FAT3: variants seen among roughly 807,000 people sequenced by gnomAD.
FAT3 encodes protocadherin Fat 3.
Under a neutral mutation model 310.2 loss-of-function variants are expected in FAT3, and 95 were observed. That is an observed-to-expected ratio of 0.31 (90% CI 0.26 to 0.36). The LOEUF (loss-of-function observed/expected upper bound fraction) is 0.36, where lower values mean the gene tolerates loss of function less well. Ranked by LOEUF, FAT3 falls within the 10% of genes least tolerant of loss-of-function variation. The pLI is 1.00. For missense variants in FAT3, 5,408 were observed against 5,715.6 expected (o/e 0.95, Z 1.74); for synonymous variants, 2,314 against 2,192.9 (o/e 1.06, Z -1.54).
chr11:92,873,592 T>C (rs2136373646), intron 22 of FAT3, among the ~76,000 whole-genome samples: 1 of 152,372 alleles, frequency 6.6e-6, no homozygotes, highest in Middle Eastern at 3.4e-3. Context: ...CTTGATTATT[T>C]GCCTACACAG....
intron 3 of FAT3, among the ~76,000 whole-genome samples, chr11:92,601,284 G>A (rs1419443295): frequency 6.6e-6 from 1 of 152,110 alleles, no homozygotes; most frequent in South Asian, 2.1e-4. Flanking sequence ...AGGCTGCCAG[G>A]TGCAGTGACT....
chr11:92,704,257 G>T (rs1395159582), intron 4 of FAT3, among the ~76,000 whole-genome samples: 1 of 152,106 alleles, frequency 6.6e-6, no homozygotes, highest in Non-Finnish European at 1.5e-5. Flanking sequence ...CGATACTCTG[G>T]CCTGCCCCAT....
chr11:92,854,686 G>C (rs576725708), intron 19 of FAT3, among the ~76,000 whole-genome samples: 5 of 152,276 alleles, frequency 3.3e-5, no homozygotes, highest in African/African-American at 1.2e-4. Context: ...TTCCTATAGG[G>C]ATAAATATCT....
intron 3 of FAT3, among the ~76,000 whole-genome samples, chr11:92,566,019 C>G (rs1257381973): frequency 2.0e-4 from 31 of 152,188 alleles, no homozygotes; most frequent in East Asian, 9.7e-4. Context: ...TCAACATAGT[C>G]TTGGAAGTTC....
intron 26 of FAT3, among the ~76,000 whole-genome samples, chr11:92,889,652 G>T (rs1406160677): frequency 6.6e-6 from 1 of 152,070 alleles, no homozygotes; most frequent in African/African-American, 2.4e-5. Flanking sequence ...TAAAATTAGG[G>T]CCTGGCATAA....
chr11:92,492,241 TTCCATCCATCCA>T (rs58384100), intron 2 of FAT3, among the ~76,000 whole-genome samples: 9,667 of 148,792 alleles, frequency 0.065, 909 homozygotes, highest in African/African-American at 0.21. Context: ...ATATATATAT[TTCCATCCATCCA>T]TCCATCCATC....
chr11:92,775,709 A>G (rs1411513966), intron 7 of FAT3, among the ~76,000 whole-genome samples: 1 of 152,224 alleles, frequency 6.6e-6, no homozygotes, highest in Non-Finnish European at 1.5e-5. Context: ...AAGAATGTGG[A>G]ATGTAAAAAT....
chr11:92,848,268 A>G (rs1313966783), intron 19 of FAT3, among the ~76,000 whole-genome samples: 2 of 152,234 alleles, frequency 1.3e-5, no homozygotes, highest in Admixed American at 6.5e-5. Flanking sequence ...GGTGCCAAAT[A>G]AGCTTATTAG....
intron 1 of FAT3, among the ~76,000 whole-genome samples, chr11:92,345,317 A>G (rs972239309): frequency 6.6e-6 from 1 of 152,218 alleles, no homozygotes; most frequent in Non-Finnish European, 1.5e-5. Flanking sequence ...CTTTTCTTCA[A>G]GGAGCTATGG....
At chr11:92,537,094 A>C (rs1954284563) in intron 3 of FAT3, among the ~76,000 whole-genome samples, 1 of 152,172 alleles carries the variant, frequency 6.6e-6, no homozygotes, top group Non-Finnish European at 1.5e-5. Flanking sequence ...AGACATCATT[A>C]ATCAATTATA....
Position 92,866,826 on chromosome 11 carries a change from G to C in FAT3, c.11744G>C (p.Gly3915Ala), listed in dbSNP as rs768678168. 3 of 1,613,942 alleles carry C rather than the reference G, an allele frequency of 1.9e-6. No homozygotes were observed. The Admixed American group carries it at 5.0e-5, about 27-fold the overall frequency. The change falls in exon 22 of 28, where the codon GGG (glycine) becomes GCG (alanine). Residue 3915 changes from glycine (G) to alanine (A), a missense_variant. This residue lies in a region of FAT3 where 4,588 missense variants were observed against 4,809.8 expected (regional missense o/e 0.95). Coordinates refer to ENST00000525166, the MANE Select transcript of FAT3 (RefSeq NM_001367949.2). ...LGISGRAVND[G>A]SWHSVFLELN... ...ATCTCGGGCCGTGCTGTCAACGACGGGAGCTGGCACTCGGTCTTCCTGGAG... is the reference window on the plus strand; with the variant it reads ...ATCTCGGGCCGTGCTGTCAACGACGCGAGCTGGCACTCGGTCTTCCTGGAG...
chr11:92,574,526 C>T (rs547107002), intron 3 of FAT3, among the ~76,000 whole-genome samples: 83 of 152,232 alleles, frequency 5.5e-4, no homozygotes, highest in African/African-American at 1.9e-3. Context: ...TAATATGAAT[C>T]ACTATGGGAA....
At chr11:92,478,754 T>C (rs1182715581) in intron 2 of FAT3, among the ~76,000 whole-genome samples, 1 of 151,490 alleles carries the variant, frequency 6.6e-6, no homozygotes, top group African/African-American at 2.4e-5. Context: ...GTAGCTGGGA[T>C]TATAGGTTCC....
intron 2 of FAT3, among the ~76,000 whole-genome samples, chr11:92,410,597 A>G (rs1950234932): frequency 6.6e-6 from 1 of 151,992 alleles, no homozygotes; most frequent in Admixed American, 6.6e-5. Flanking sequence ...GCTGCTGTAC[A>G]TTGTTGTGTC....
intron 1 of FAT3, among the ~76,000 whole-genome samples, chr11:92,295,119 C>A (rs1354947810): frequency 6.6e-6 from 1 of 152,162 alleles, no homozygotes; most frequent in African/African-American, 2.4e-5. Context: ...GTCATCATCT[C>A]ATTTACTCAT....
intron 1 of FAT3, among the ~76,000 whole-genome samples, chr11:92,250,005 C>A (rs1046038718): frequency 6.6e-6 from 1 of 152,004 alleles, no homozygotes; most frequent in Non-Finnish European, 1.5e-5. Flanking sequence ...TGAGGTGATA[C>A]GTATGATTTC....
At chr11:92,758,006 C>A (rs1946048843) in intron 4 of FAT3, among the ~76,000 whole-genome samples, 1 of 152,018 alleles carries the variant, frequency 6.6e-6, no homozygotes, top group South Asian at 2.1e-4. Flanking sequence ...TCTAGCTGAC[C>A]CCCCATGAGT....
intron 2 of FAT3, among the ~76,000 whole-genome samples, chr11:92,428,734 C>T (rs547954998): frequency 9.9e-5 from 15 of 152,052 alleles, no homozygotes; most frequent in African/African-American, 2.7e-4. Context: ...TTGATTGCAC[C>T]GTGGTCTGAG....
intron 2 of FAT3, among the ~76,000 whole-genome samples, chr11:92,452,916 G>T (rs1951398745): frequency 6.6e-6 from 1 of 152,004 alleles, no homozygotes; most frequent in African/African-American, 2.4e-5. Context: ...TGGGACTATA[G>T]GTGTGTGCTG....
Sources: allele counts gnomAD v4.1 joint callset (sites outside exome capture counted in the v4.1 genomes callset), GRCh38; gene constraint gnomAD v4.1.1; regional missense constraint gnomAD v4.1.1; transcripts MANE v1.5; gene names NCBI Gene and HGNC (gene_info 2026-07-23, HGNC 2026-07-21).